Variants in MARCHF4 observed in about 807,000 individuals in gnomAD.
MARCHF4 encodes the protein E3 ubiquitin-protein ligase MARCHF4.
Under a neutral mutation model 43.9 loss-of-function variants are expected in MARCHF4, and 14 were observed. The observed-to-expected ratio is 0.32, with a 90% confidence interval of 0.21 to 0.50. The LOEUF is 0.50. Among genes scored for constraint, MARCHF4 ranks in the 20% least tolerant of loss-of-function variants. The pLI, the probability that MARCHF4 is intolerant of heterozygous loss-of-function variation, is 0.98. For missense variants in MARCHF4, 468 were observed against 536.7 expected (o/e 0.87, Z 1.27); for synonymous variants, 226 against 213.3 (o/e 1.06, Z -0.52).
intron 1 of MARCHF4, among the ~76,000 whole-genome samples, chr2:216,301,688 T>C (rs1242726709): frequency 1.3e-5 from 2 of 152,200 alleles, no homozygotes; most frequent in Non-Finnish European, 2.9e-5. Context: ...AAGAATGACA[T>C]GTGAAGGTCA....
chr2:216,297,126 T>C (rs1691409529), intron 1 of MARCHF4, among the ~76,000 whole-genome samples: 1 of 152,246 alleles, frequency 6.6e-6, no homozygotes, highest in Non-Finnish European at 1.5e-5. Flanking sequence ...CTTCGGTCTG[T>C]TGACTCCAAG....
At chr2:216,291,574 C>G (rs1314443941) in intron 1 of MARCHF4, among the ~76,000 whole-genome samples, 1 of 152,156 alleles carries the variant, frequency 6.6e-6, no homozygotes, top group Non-Finnish European at 1.5e-5. Context: ...AGCTCCATGC[C>G]TGGCACACAG....
At chr2:216,340,492 A>G (rs1197003610) in intron 1 of MARCHF4, among the ~76,000 whole-genome samples, 2 of 152,176 alleles carry the variant, frequency 1.3e-5, no homozygotes, top group East Asian at 1.9e-4. Context: ...AACAAACCCC[A>G]TCCAAATCCA....
chr2:216,292,355 C>T (rs1691322261), intron 1 of MARCHF4, among the ~76,000 whole-genome samples: 1 of 152,222 alleles, frequency 6.6e-6, no homozygotes, highest in South Asian at 2.1e-4. Context: ...AGTTGTTCCA[C>T]TGTGAAGACT....
At chr2:216,288,470 G>A (rs1442823639) in intron 1 of MARCHF4, among the ~76,000 whole-genome samples, 1 of 152,158 alleles carries the variant, frequency 6.6e-6, no homozygotes, top group East Asian at 1.9e-4. Context: ...AAAGAAAAGA[G>A]TCAGTTGAGT....
chr2:216,330,029 T>C (rs1692061471), intron 1 of MARCHF4, among the ~76,000 whole-genome samples: 1 of 152,030 alleles, frequency 6.6e-6, no homozygotes, highest in Non-Finnish European at 1.5e-5. Context: ...GCCCAGGATT[T>C]TGAGGCTGCA....
chr2:216,274,342 T>C (rs945198280), intron 3 of MARCHF4, among the ~76,000 whole-genome samples: 12 of 152,156 alleles, frequency 7.9e-5, no homozygotes, highest in African/African-American at 2.7e-4. Flanking sequence ...TAATGCCAAA[T>C]GTGCTCTCTG....
intron 1 of MARCHF4, among the ~76,000 whole-genome samples, chr2:216,328,613 T>A (rs964844592): frequency 6.6e-6 from 1 of 152,204 alleles, no homozygotes; most frequent in African/African-American, 2.4e-5. Context: ...AGTTTACTAG[T>A]TGTTTGTGGA....
chr2:216,280,093 G>C (rs2105939092), intron 2 of MARCHF4, among the ~76,000 whole-genome samples: 1 of 152,182 alleles, frequency 6.6e-6, no homozygotes, highest in East Asian at 1.9e-4. Context: ...CGTGACGAAG[G>C]AGCAGGGTGG....
In MARCHF4 at chr2:216,317,597, A is replaced by G. The variant is rs557894025; in HGVS notation, c.517-33868T>C. Among the ~76,000 whole-genome samples the G allele has an allele frequency of 7.6e-4, 115 of 152,264 alleles. 2 individuals carry two copies. The South Asian group carries it at 0.024, about 31-fold the overall frequency. On this transcript the variant is annotated intron_variant, in intron 1 of 3. Transcript: ENST00000273067. The stretch of plus-strand genomic sequence containing the variant: ...CCTGGCTAATTTTTGTATTTTTAGT[A>G]GAGATGGGGTTTCGCCATGTTGGCC...
chr2:216,337,281 G>A (rs1374366752), intron 1 of MARCHF4, among the ~76,000 whole-genome samples: 1 of 152,130 alleles, frequency 6.6e-6, no homozygotes, highest in South Asian at 2.1e-4. Flanking sequence ...TTCAATAACA[G>A]GTGTTGGTTA....
At chr2:216,369,338 A>T (rs1240469492) in intron 1 of MARCHF4, among the ~76,000 whole-genome samples, 1 of 152,232 alleles carries the variant, frequency 6.6e-6, no homozygotes, top group Non-Finnish European at 1.5e-5. Flanking sequence ...AGCAGGAAGA[A>T]GTTGGGATAT....
intron 1 of MARCHF4, among the ~76,000 whole-genome samples, chr2:216,336,769 C>CAAAAAAAAAAAAAAAAAAAAAAAAA (rs1453857917): frequency 1.5e-5 from 1 of 66,886 alleles, no homozygotes; most frequent in Non-Finnish European, 3.1e-5. Context: ...AAAAAAAAAG[C>CAAAAAAAAAAAAAAAAAAAAAAAAA]TTTCTGGAAA....
intron 1 of MARCHF4, among the ~76,000 whole-genome samples, chr2:216,311,176 A>G (rs1042806498): frequency 6.6e-6 from 1 of 152,188 alleles, no homozygotes; most frequent in Non-Finnish European, 1.5e-5. Context: ...ATCCCATGCC[A>G]TTAAGTAATT....
intron 1 of MARCHF4, among the ~76,000 whole-genome samples, chr2:216,325,255 A>G (rs1389823922): frequency 6.6e-6 from 1 of 152,174 alleles, no homozygotes; most frequent in African/African-American, 2.4e-5. Context: ...ATCCAACTTA[A>G]AAGGGATGTG....
chr2:216,352,315 C>T (rs1020412098), intron 1 of MARCHF4, among the ~76,000 whole-genome samples: 1 of 152,170 alleles, frequency 6.6e-6, no homozygotes, highest in Admixed American at 6.5e-5. Flanking sequence ...CTGGGTTAGG[C>T]CAGGGCCTGC....
At chr2:216,309,077 C>A (rs1326005073) in intron 1 of MARCHF4, among the ~76,000 whole-genome samples, 2 of 152,190 alleles carry the variant, frequency 1.3e-5, no homozygotes, top group African/African-American at 4.8e-5. Flanking sequence ...ACCCCAACCA[C>A]CAATCCCCTA....
intron 1 of MARCHF4, among the ~76,000 whole-genome samples, chr2:216,354,937 T>TTCTTTCTTTCTTTC (rs2105981271): frequency 7.2e-6 from 1 of 138,864 alleles, no homozygotes; most frequent in African/African-American, 2.8e-5. Flanking sequence ...CTTTCTTTCT[T>TTCTTTCTTTCTTTC]TCTTTCTTTC....
intron 2 of MARCHF4, among the ~76,000 whole-genome samples, chr2:216,278,545 C>A (rs1226654727): frequency 6.6e-6 from 1 of 152,148 alleles, no homozygotes; most frequent in Non-Finnish European, 1.5e-5. Flanking sequence ...TCATTCTTTT[C>A]AGAGAAACAC....
Sources: gnomAD v4.1 joint callset for allele counts (sites outside exome capture counted in the v4.1 genomes callset) on GRCh38, gnomAD v4.1.1 for gene constraint, MANE v1.5 for transcripts, NCBI Gene and HGNC (gene_info 2026-07-23, HGNC 2026-07-21) for gene names.